The following PPIG variants were observed in gnomAD, a reference collection of about 807,000 sequenced individuals.
PPIG encodes the protein peptidylprolyl isomerase G.
Under a neutral mutation model 87.9 loss-of-function variants are expected in PPIG, and 26 were observed. The observed-to-expected ratio is 0.30, with a 90% confidence interval of 0.22 to 0.41. PPIG has a LOEUF of 0.41. Among genes scored for constraint, PPIG ranks in the 10% least tolerant of loss-of-function variants. The pLI, the probability that PPIG is intolerant of heterozygous loss-of-function variation, is 1.00. For missense variants in PPIG, 722 were observed against 879.4 expected, an observed-to-expected ratio of 0.82 and a Z score of 2.26; for synonymous variants, 308 against 276.5, an observed-to-expected ratio of 1.11 and a Z score of -1.13.
intron 9 of PPIG, among the ~76,000 whole-genome samples, chr2:169,627,589 C>T (rs534609984): frequency 7.9e-5 from 12 of 151,674 alleles, no homozygotes; most frequent in Non-Finnish European, 1.3e-4. Flanking sequence ...TGCAGTGGTG[C>T]GATCATGGCT....
intron 9 of PPIG, among the ~76,000 whole-genome samples, chr2:169,624,894 G>A (rs905347474): frequency 6.6e-6 from 1 of 152,112 alleles, no homozygotes; most frequent in African/African-American, 2.4e-5. Context: ...CCAGCCGGAA[G>A]TAGGTTTTTT....
chr2:169,611,322 ATGTT>A (rs1353064527), intron 7 of PPIG, among the ~76,000 whole-genome samples: 1 of 152,196 alleles, frequency 6.6e-6, no homozygotes, highest in Non-Finnish European at 1.5e-5. Context: ...TGCATTAAAA[ATGTT>A]TGTAGAGTGT....
chr2:169,634,666 C>T (rs1353854391), intron 12 of PPIG, among the ~76,000 whole-genome samples: 3 of 152,136 alleles, frequency 2.0e-5, no homozygotes, highest in African/African-American at 7.2e-5. Flanking sequence ...TCAGTTTATA[C>T]CTTAACTATG....
At chr2:169,594,503 G>A (rs1041091658) in intron 1 of PPIG, among the ~76,000 whole-genome samples, 7 of 151,814 alleles carry the variant, frequency 4.6e-5, no homozygotes, top group African/African-American at 1.5e-4. Flanking sequence ...TTACTGATAC[G>A]TGTGAAATTG....
At chr2:169,588,596 A>G (rs1001388507) in intron 1 of PPIG, among the ~76,000 whole-genome samples, 3 of 152,132 alleles carry the variant, frequency 2.0e-5, no homozygotes, top group Admixed American at 2.0e-4. Context: ...GTATATATGT[A>G]TATATCTTTG....
intron 12 of PPIG, among the ~76,000 whole-genome samples, chr2:169,634,462 T>C (rs1574466256): frequency 1.3e-5 from 2 of 152,126 alleles, no homozygotes; most frequent in African/African-American, 4.8e-5. Flanking sequence ...CCATGGCTGG[T>C]AACTGTCAAA....
intron 7 of PPIG, 66 bp downstream of exon 7, chr2:169,608,824 T>C (rs1403154968): frequency 5.2e-6 from 6 of 1,148,564 alleles, no homozygotes; most frequent in East Asian, 2.6e-5. Flanking sequence ...GGCTCATGCC[T>C]GTAATCCCAG....
At chr2:169,630,256 C>A (rs1423894279) in intron 9 of PPIG, among the ~76,000 whole-genome samples, 2 of 151,858 alleles carry the variant, frequency 1.3e-5, no homozygotes, top group Non-Finnish European at 2.9e-5. Flanking sequence ...GGGCAATTGA[C>A]TTCCCTCTGT....
intron 7 of PPIG, among the ~76,000 whole-genome samples, chr2:169,610,539 AAG>A (rs1232389348): frequency 6.6e-6 from 1 of 152,170 alleles, no homozygotes; most frequent in Non-Finnish European, 1.5e-5. Flanking sequence ...TCAAAACAAA[AAG>A]AATACTGTGA....
At chr2:169,598,510 C>G (rs1441115528) in intron 1 of PPIG, among the ~76,000 whole-genome samples, 1 of 152,054 alleles carries the variant, frequency 6.6e-6, no homozygotes, top group African/African-American at 2.4e-5. Context: ...CCAGGATGGT[C>G]TCGATCTCCT....
At chr2:169,587,562 CTAA>C (rs1255397285) in intron 1 of PPIG, among the ~76,000 whole-genome samples, 3 of 152,082 alleles carry the variant, frequency 2.0e-5, no homozygotes, top group Non-Finnish European at 2.9e-5. Context: ...AATGTTAGGA[CTAA>C]ACTTCAATTT....
chr2:169,636,077 T>C lies in PPIG; in HGVS notation c.1018-15T>C, dbSNP rs1209324652. 1.9e-6 allele frequency: 3 copies of C among 1,579,088 alleles called. No homozygotes were observed. Among genetic ancestry groups the C allele is most frequent in the African/African-American group, 1.4e-5 (1 of 73,446 alleles). ...CTTCTATACATTAATTTTTCCCTAT[T>C]TTAATTTTCTTTAGCGTTATCGAAC... On this transcript the variant is annotated splice_polypyrimidine_tract_variant and intron_variant, in intron 12 of 13. Coordinates refer to ENST00000260970, the MANE Select transcript of PPIG (RefSeq NM_004792.3).
At chr2:169,602,995 G>A (rs1685226018) in intron 1 of PPIG, among the ~76,000 whole-genome samples, 1 of 152,106 alleles carries the variant, frequency 6.6e-6, no homozygotes, top group Admixed American at 6.6e-5. Flanking sequence ...AGGGAAAGTG[G>A]AACCGAAGAT....
intron 1 of PPIG, among the ~76,000 whole-genome samples, chr2:169,600,222 G>A (rs1685142112): frequency 6.6e-6 from 1 of 151,872 alleles, no homozygotes; most frequent in African/African-American, 2.4e-5. Flanking sequence ...CTACAGGCAT[G>A]TGCCACCATG....
At position 169,592,344 on chromosome 2, in the gene PPIG, AC is replaced by A; in HGVS notation, c.-70+7857del. On this transcript the variant is annotated intron_variant, in intron 1 of 13. Coordinates refer to ENST00000260970, the MANE Select transcript of PPIG (RefSeq NM_004792.3). ...TTTTGAGATGGAGTCTCGCTCTGTC[AC>A]CCAGGCTGGAGTGCAGTGGCGCGAA... Among the ~76,000 whole-genome samples, 4 of 113,902 alleles carry A rather than the reference AC, an allele frequency of 3.5e-5. No homozygotes were observed. The Middle Eastern group carries it at 0.034, about 982-fold the overall frequency. The allele number at this position is 113,902 out of a possible 152,430, so 74.7% of individuals were successfully genotyped here.
intron 1 of PPIG, among the ~76,000 whole-genome samples, chr2:169,594,084 TA>T (rs1684946507): frequency 6.6e-6 from 1 of 152,144 alleles, no homozygotes; most frequent in African/African-American, 2.4e-5. Context: ...TATATGTTGC[TA>T]AAAAGAGCAC....
At chr2:169,585,245 T>TA (rs1274750163) in intron 1 of PPIG, among the ~76,000 whole-genome samples, 14 of 149,024 alleles carry the variant, frequency 9.4e-5, no homozygotes, top group African/African-American at 3.4e-4. Flanking sequence ...GAAGGGGAAG[T>TA]ATGCTAATTT....
intron 1 of PPIG, among the ~76,000 whole-genome samples, chr2:169,594,107 A>G (rs928897061): frequency 2.0e-5 from 3 of 152,168 alleles, no homozygotes; most frequent in African/African-American, 4.8e-5. Flanking sequence ...AGCGTAGCCA[A>G]CTTTATACCT....
At chr2:169,589,003 C>T (rs892936849) in intron 1 of PPIG, among the ~76,000 whole-genome samples, 2 of 140,346 alleles carry the variant, frequency 1.4e-5, no homozygotes, top group Non-Finnish European at 3.1e-5. Flanking sequence ...ATTGCAAGTA[C>T]AACATTAAGA....
Sources: allele counts gnomAD v4.1 joint callset (sites outside exome capture counted in the v4.1 genomes callset), GRCh38; gene constraint gnomAD v4.1.1; transcripts MANE v1.5; gene names NCBI Gene and HGNC (gene_info 2026-07-23, HGNC 2026-07-21).